HNRNPA2B1: variants seen among roughly 807,000 people sequenced by gnomAD.
The protein encoded by HNRNPA2B1 is heterogeneous nuclear ribonucleoproteins A2/B1.
In HNRNPA2B1, 3 loss-of-function variants were observed where a neutral mutation model predicts 46.3. The observed-to-expected ratio is 0.06, with a 90% CI of 0.03 to 0.17. The LOEUF (loss-of-function observed/expected upper bound fraction) is 0.17. Among genes scored for constraint, HNRNPA2B1 ranks in the 10% least tolerant of loss-of-function variants. HNRNPA2B1 has a pLI of 1.00. For synonymous variants in HNRNPA2B1, 225 were observed against 133.8 expected (o/e 1.68, Z -4.70); for missense variants, 221 against 418.9 (o/e 0.53, Z 4.12).
In HNRNPA2B1 at chr7:26,200,608, C is replaced by T; in HGVS notation, c.-31G>A. On this transcript the variant is annotated 5_prime_UTR_variant, in exon 1 of 11. Transcript: ENST00000618183. ...ACTCAGTCGCTTCAGCCCGATTTCCCGCAGCCGAGCGAGATGAGAGAGATC... is the reference window on the plus strand; with the variant it reads ...ACTCAGTCGCTTCAGCCCGATTTCCTGCAGCCGAGCGAGATGAGAGAGATC... The T allele has an allele frequency of 1.2e-6, 2 of 1,613,534 alleles. No individual in the cohort carries two copies. The highest frequency in any genetic ancestry group is 1.7e-6 in the Non-Finnish European group (2 of 1,179,994).
chr7:26,193,844 C>G (rs1324381101), intron 7 of HNRNPA2B1, 150 bp from the exon 8 acceptor site: 2 of 719,012 alleles, frequency 2.8e-6, no homozygotes, highest in East Asian at 3.0e-5. Flanking sequence ...AATAACTATC[C>G]TTGGTAAACA....
chr7:26,200,136 T>C (rs1404904421), intron 1 of HNRNPA2B1: 1 of 209,214 alleles, frequency 4.8e-6, no homozygotes, highest in Non-Finnish European at 9.9e-6. Context: ...GCCATGAAAA[T>C]GGCGGCCGCC....
At chr7:26,193,398 A>G in intron 8 of HNRNPA2B1, 25 bp from the exon 9 acceptor site, 3 of 1,602,220 alleles carry the variant, frequency 1.9e-6, no homozygotes, top group Non-Finnish European at 2.6e-6. Flanking sequence ...GAATACTCAG[A>G]ACAATACAAA....
At chr7:26,200,121 G>C (rs567917446) in intron 1 of HNRNPA2B1, 1 of 207,444 alleles carries the variant, frequency 4.8e-6, no homozygotes, top group African/African-American at 2.3e-5. Context: ...CTGAGAGGAA[G>C]GCGAGCCATG....
intron 7 of HNRNPA2B1, among the ~76,000 whole-genome samples, chr7:26,194,491 G>A (rs1387965380): frequency 2.0e-5 from 3 of 151,584 alleles, no homozygotes; most frequent in Non-Finnish European, 4.4e-5. Context: ...TTGAGCCCAG[G>A]AATTCAAGAC....
At chr7:26,195,943 T>G (rs1409233393) in intron 6 of HNRNPA2B1, 34 bp from the exon 7 acceptor site, 3 of 1,580,690 alleles carry the variant, frequency 1.9e-6, no homozygotes, top group East Asian at 4.5e-5. Context: ...ACGTTTACTA[T>G]AAACTGTTCA....
chr7:26,193,512 A>G, intron 8 of HNRNPA2B1, 63 bp downstream of exon 8: 5 of 1,552,674 alleles, frequency 3.2e-6, no homozygotes, highest in African/African-American at 1.4e-5. Context: ...GAAACAAAAG[A>G]TCAAGTGTTA....
At chr7:26,199,423 G>A (rs1218862193) in intron 1 of HNRNPA2B1, 1 of 152,242 alleles carries the variant, frequency 6.6e-6, no homozygotes, top group Non-Finnish European at 1.5e-5. Context: ...ACGCATTACA[G>A]GAAGGAGCCT....
intron 1 of HNRNPA2B1, chr7:26,199,010 G>A (rs879373931): frequency 5.3e-5 from 8 of 152,138 alleles, no homozygotes; most frequent in African/African-American, 1.4e-4. Context: ...GCTCCTATGA[G>A]ACACAAAGCA....
Position 26,194,440 on chromosome 7 carries a change from T to C in HNRNPA2B1, c.722-746A>G, listed in dbSNP as rs557974808. Among the ~76,000 whole-genome samples the C allele has an allele frequency of 1.4e-3, 211 of 151,946 alleles. 1 individual carries two copies. The highest frequency in any genetic ancestry group is 7.8e-4 in the East Asian group (4 of 5,132). ...TTGGCTGGGCGCAGCAGCTCACACC[T>C]GTAATCCCAGCAGTACGGGAAGTTG... is the stretch of plus-strand genomic sequence containing the variant. On this transcript the variant is annotated intron_variant, in intron 7 of 10. Transcript: ENST00000618183.
At chr7:26,193,221 A>G in intron 9 of HNRNPA2B1, 30 bp downstream of exon 9, 1 of 1,600,910 alleles carries the variant, frequency 6.2e-7, no homozygotes, top group Non-Finnish European at 8.5e-7. Flanking sequence ...AATCACAAAA[A>G]TCTGAATAAC....
At chr7:26,197,095 A>G (rs1783725814) in intron 3 of HNRNPA2B1, 78 bp from the exon 4 acceptor site, 2 of 1,219,670 alleles carry the variant, frequency 1.6e-6, no homozygotes, top group Non-Finnish European at 2.3e-6. Context: ...CCGTAGTACC[A>G]TACTTCGCTT....
intron 4 of HNRNPA2B1, 21 bp downstream of exon 4, chr7:26,196,786 C>T (rs200438876): frequency 6.2e-6 from 10 of 1,602,288 alleles, no homozygotes; most frequent in Non-Finnish European, 8.5e-6. Context: ...AAAAACAGTA[C>T]ATTTGTGGTT....
At chr7:26,199,103 G>C (rs772175049) in intron 1 of HNRNPA2B1, 2 of 152,284 alleles carry the variant, frequency 1.3e-5, no homozygotes, top group Admixed American at 6.6e-5. Flanking sequence ...CAGCACATAG[G>C]TTATCTCTAA....
At position 26,193,242 on chromosome 7, in the gene HNRNPA2B1, A is replaced by T. The variant is rs1783116715; in HGVS notation, c.964+9T>A. 1 of 1,604,712 alleles carries T rather than the reference A, an allele frequency of 6.2e-7. No homozygotes were observed. The highest frequency in any genetic ancestry group is 1.7e-5 in the Admixed American group (1 of 57,324). On this transcript the variant is annotated intron_variant, in intron 9 of 10. Coordinates refer to ENST00000618183, the MANE Select transcript of HNRNPA2B1 (RefSeq NM_002137.4). Reference sequence around the variant, plus strand: ...AAAAATCTGAATAACCTCAATTTTTATAAATTACCTCCACCATATGGTCCC... The same window carrying T: ...AAAAATCTGAATAACCTCAATTTTTTTAAATTACCTCCACCATATGGTCCC...
Position 26,197,331 on chromosome 7 carries a change from C to G in HNRNPA2B1, c.248G>C (p.Arg83Pro). 1 of 1,612,482 alleles carries G rather than the reference C, an allele frequency of 6.2e-7. No individual in the cohort carries two copies. The highest frequency in any genetic ancestry group is 8.5e-7 in the Non-Finnish European group (1 of 1,179,002). ...SIDGRVVEPK[R>P]AVAREESGKP... ...TTTGCTTACCTCTCTTGCTACAGCACGTTTTGGCTCAACTACTCTCCCATC... is the reference window on the plus strand; with the variant it reads ...TTTGCTTACCTCTCTTGCTACAGCAGGTTTTGGCTCAACTACTCTCCCATC... The change falls in exon 3 of 11, where the codon CGT (arginine) becomes CCT (proline). Residue 83 changes from arginine to proline, a missense_variant. By Grantham distance (103) the Arg-to-Pro change is moderately radical (BLOSUM62 -2). Around this residue, in one of 2 missense-constraint regions of HNRNPA2B1, gnomAD observed 78 missense variants for 218.5 expected, o/e 0.36. Coordinates refer to ENST00000618183, the MANE Select transcript of HNRNPA2B1 (RefSeq NM_002137.4).
In HNRNPA2B1 at chr7:26,193,378, TA is replaced by T; in HGVS notation, c.842-6del. 1.2e-6 allele frequency: 2 copies of T among 1,609,374 alleles called. No homozygotes were observed. The highest frequency in any genetic ancestry group is 1.7e-6 in the Non-Finnish European group (2 of 1,176,272). On this transcript the variant is annotated splice_region_variant and splice_polypyrimidine_tract_variant and intron_variant, in intron 8 of 10. Transcript: ENST00000618183. Reference sequence around the variant, plus strand: ...AATTTCCACTTCCATAATTTCCTATTAAAAAATTGGAATACTCAGAACAATA... The same window carrying T: ...AATTTCCACTTCCATAATTTCCTATTAAAAATTGGAATACTCAGAACAATA...
intron 6 of HNRNPA2B1, among the ~76,000 whole-genome samples, 172 bp from the exon 7 acceptor site, chr7:26,196,081 G>A (rs546996572): frequency 1.3e-5 from 2 of 152,216 alleles, no homozygotes; most frequent in East Asian, 1.9e-4. Flanking sequence ...TAAATCTACC[G>A]CCTAAATTTT....
rs1782807072 is a variant in HNRNPA2B1, at chr7:26,190,679, TAAGACACTGAACTAG to T, written c.*1666_*1680del. On this transcript the variant is annotated 3_prime_UTR_variant, in exon 11 of 11. Transcript: ENST00000618183. ...CCAACCTACAACTTTCTCTTCAGGG[TAAGACACTGAACTAG>T]AATTACCACATTTAACCCACCTATT... 1 of 152,210 alleles carries T rather than the reference TAAGACACTGAACTAG, an allele frequency of 6.6e-6. No homozygotes were observed. 9.4% of individuals were successfully genotyped at this position (152,210 alleles called of 1,614,324 possible).
Sources: allele counts gnomAD v4.1 joint callset (sites outside exome capture counted in the v4.1 genomes callset), GRCh38; gene constraint gnomAD v4.1.1; regional missense constraint gnomAD v4.1.1; transcripts MANE v1.5; gene names NCBI Gene and HGNC (gene_info 2026-07-23, HGNC 2026-07-21).